Variants in ANKRD44 observed in about 807,000 individuals in gnomAD.
ANKRD44 encodes the protein serine/threonine-protein phosphatase 6 regulatory ankyrin repeat subunit B.
Under a neutral mutation model 116.0 loss-of-function variants are expected in ANKRD44, and 35 were observed. The ratio of observed to expected loss-of-function variants is 0.30; its 90% CI spans 0.23 to 0.40. The LOEUF (loss-of-function observed/expected upper bound fraction) is 0.40, where lower values mean the gene tolerates loss of function less well. ANKRD44 is among the 10% of genes least tolerant of loss of function. The pLI is 1.00. For missense variants in ANKRD44, 1,014 were observed against 1,242.6 expected (o/e 0.82, Z 2.77); for synonymous variants, 435 against 461.8 (o/e 0.94, Z 0.74).
At chr2:197,168,267 A>G (rs2080145209) in intron 2 of ANKRD44, among the ~76,000 whole-genome samples, 1 of 152,254 alleles carries the variant, frequency 6.6e-6, no homozygotes, top group Admixed American at 6.5e-5. Flanking sequence ...CATGAGCATC[A>G]TCAATTGGCT....
intron 1 of ANKRD44, among the ~76,000 whole-genome samples, chr2:197,251,344 T>A (rs2082312898): frequency 6.6e-6 from 1 of 152,118 alleles, no homozygotes; most frequent in Non-Finnish European, 1.5e-5. Flanking sequence ...TCTTACAGCT[T>A]TTTTTTCCTT....
chr2:197,081,238 T>A (rs572357848), intron 15 of ANKRD44, among the ~76,000 whole-genome samples: 2 of 152,334 alleles, frequency 1.3e-5, no homozygotes, highest in Admixed American at 1.3e-4. Context: ...AAATGGTTAT[T>A]TCACACCGAA....
chr2:197,058,776 T>C (rs909981409), intron 16 of ANKRD44, among the ~76,000 whole-genome samples: 3 of 152,234 alleles, frequency 2.0e-5, no homozygotes, highest in Admixed American at 2.0e-4. Context: ...ATCTGAGGGC[T>C]AACTCAGTTG....
chr2:197,188,823 A>C (rs1387022874), intron 1 of ANKRD44, among the ~76,000 whole-genome samples: 1 of 152,198 alleles, frequency 6.6e-6, no homozygotes, highest in African/African-American at 2.4e-5. Context: ...AGTTTCCCCA[A>C]TGTGTCTGAC....
intron 8 of ANKRD44, among the ~76,000 whole-genome samples, chr2:197,112,169 T>A (rs969010651): frequency 1.3e-5 from 2 of 152,168 alleles, no homozygotes; most frequent in African/African-American, 4.8e-5. Context: ...ATCCAAGTAT[T>A]GTTATCAAAA....
At chr2:197,254,579 A>G (rs910034637) in intron 1 of ANKRD44, among the ~76,000 whole-genome samples, 1 of 145,676 alleles carries the variant, frequency 6.9e-6, no homozygotes, top group African/African-American at 2.6e-5. Context: ...GTATATGTGT[A>G]TAGACACACA....
chr2:197,136,388 A>G, intron 4 of ANKRD44: 1 of 589,458 alleles, frequency 1.7e-6, no homozygotes, highest in Admixed American at 2.9e-5. Context: ...GTCCATGTTG[A>G]ACTACCCCAG....
intron 1 of ANKRD44, among the ~76,000 whole-genome samples, chr2:197,210,016 G>GTCGTC (rs553801453): frequency 6.0e-4 from 91 of 152,272 alleles, no homozygotes; most frequent in South Asian, 4.6e-3. Context: ...CTACCTAAGA[G>GTCGTC]ACGTCTTACA....
rs115593740 is a variant in ANKRD44, at chr2:197,261,961, C to T, written c.27+48617G>A. On this transcript the variant is annotated intron_variant, in intron 1 of 27. Coordinates refer to ENST00000282272, the MANE Select transcript of ANKRD44 (RefSeq NM_001195144.2). ...TCTGTGTGACGGGACAAGAGAAAAA[C>T]CGAGGGCAAAATGCAAATTCACATG... Among the ~76,000 whole-genome samples the T allele has an allele frequency of 7.9e-3, 1,196 of 152,236 alleles. 13 individuals are homozygous for T. The highest frequency in any genetic ancestry group is 0.014 in the Non-Finnish European group (955 of 68,018).
chr2:197,193,299 G>A (rs190782664), intron 1 of ANKRD44, among the ~76,000 whole-genome samples: 5 of 152,214 alleles, frequency 3.3e-5, no homozygotes, highest in Admixed American at 2.6e-4. Context: ...ACCCTCACCC[G>A]ATGGCCAACC....
chr2:197,249,040 A>C (rs1036202814), intron 1 of ANKRD44, among the ~76,000 whole-genome samples: 5 of 152,100 alleles, frequency 3.3e-5, no homozygotes, highest in African/African-American at 1.2e-4. Context: ...GAAGGCTGAG[A>C]TGGGAAGATG....
At chr2:197,264,718 T>G (rs984418188) in intron 1 of ANKRD44, among the ~76,000 whole-genome samples, 28 of 152,320 alleles carry the variant, frequency 1.8e-4, no homozygotes, top group African/African-American at 6.7e-4. Context: ...TCCTGGGCAC[T>G]AGAATCCTTC....
intron 1 of ANKRD44, among the ~76,000 whole-genome samples, chr2:197,257,995 T>A (rs2082496634): frequency 6.6e-6 from 1 of 152,238 alleles, no homozygotes; most frequent in Non-Finnish European, 1.5e-5. Context: ...CAATAGTTGT[T>A]CTTGCATCTG....
At chr2:197,027,775 C>T (rs768684897) in intron 16 of ANKRD44, among the ~76,000 whole-genome samples, 1 of 150,960 alleles carries the variant, frequency 6.6e-6, no homozygotes, top group Non-Finnish European at 1.5e-5. Flanking sequence ...CAGCCTCAAC[C>T]TCCCAGGCTT....
At chr2:196,986,442 A>C (rs2075838542), downstream of ANKRD44, among the ~76,000 whole-genome samples, 1 of 152,108 alleles carries the variant, frequency 6.6e-6, no homozygotes, top group Non-Finnish European at 1.5e-5. Flanking sequence ...AAAACCCTTT[A>C]TGGAAAAAAG....
intron 16 of ANKRD44, among the ~76,000 whole-genome samples, chr2:197,030,867 C>G (rs1156334583): frequency 6.6e-6 from 1 of 151,838 alleles, no homozygotes; most frequent in Admixed American, 6.6e-5. Flanking sequence ...TGTAGAGATG[C>G]GGTCTCACTA....
chr2:197,080,785 C>T (rs2077776246), intron 15 of ANKRD44, among the ~76,000 whole-genome samples: 1 of 152,156 alleles, frequency 6.6e-6, no homozygotes, highest in South Asian at 2.1e-4. Flanking sequence ...CACAGGCATT[C>T]GGGCCACAGA....
At chr2:197,035,951 G>T (rs192495690) in intron 16 of ANKRD44, among the ~76,000 whole-genome samples, 1 of 151,994 alleles carries the variant, frequency 6.6e-6, no homozygotes, top group Non-Finnish European at 1.5e-5. Flanking sequence ...GGACCCCAGT[G>T]GACCCCCAGT....
At chr2:197,061,387 A>AGCC (rs2077309071) in intron 16 of ANKRD44, among the ~76,000 whole-genome samples, 1 of 152,232 alleles carries the variant, frequency 6.6e-6, no homozygotes, top group African/African-American at 2.4e-5. Flanking sequence ...TGACACTGGC[A>AGCC]GCCCCTGCAC....
Sources: allele counts gnomAD v4.1 joint callset (sites outside exome capture counted in the v4.1 genomes callset), GRCh38; gene constraint gnomAD v4.1.1; transcripts MANE v1.5; gene names NCBI Gene and HGNC (gene_info 2026-07-23, HGNC 2026-07-21).